Variants in CDKAL1 observed in about 807,000 individuals in gnomAD.
CDKAL1 encodes the protein threonylcarbamoyladenosine tRNA methylthiotransferase.
Under a neutral mutation model 68.2 loss-of-function variants are expected in CDKAL1, and 32 were observed. The ratio of observed to expected loss-of-function variants is 0.47; its 90% CI spans 0.35 to 0.63. CDKAL1 has a LOEUF of 0.63. Ranked by LOEUF, CDKAL1 falls within the 30% of genes least tolerant of loss-of-function variation. The pLI is 0.00. For missense variants in CDKAL1, 606 were observed against 696.7 expected, an observed-to-expected ratio of 0.87 and a Z score of 1.47; for synonymous variants, 234 against 244.3, an observed-to-expected ratio of 0.96 and a Z score of 0.39.
intron 13 of CDKAL1, among the ~76,000 whole-genome samples, chr6:21,145,843 C>G (rs553361784): frequency 6.6e-6 from 1 of 152,234 alleles, no homozygotes; most frequent in East Asian, 1.9e-4. Flanking sequence ...AAGGCTGCAG[C>G]AAACTATGAT....
At chr6:20,993,001 T>A (rs1255848760) in intron 10 of CDKAL1, among the ~76,000 whole-genome samples, 1 of 152,008 alleles carries the variant, frequency 6.6e-6, no homozygotes, top group Non-Finnish European at 1.5e-5. Context: ...AAGTCACATA[T>A]TATATGAGTC....
At chr6:20,846,452 G>A (rs2150495175) in intron 9 of CDKAL1, among the ~76,000 whole-genome samples, 1 of 152,230 alleles carries the variant, frequency 6.6e-6, no homozygotes, top group South Asian at 2.1e-4. Context: ...CCATGGAAAA[G>A]ACAAAATTAA....
intron 12 of CDKAL1, among the ~76,000 whole-genome samples, chr6:21,103,569 A>C (rs963323966): frequency 6.6e-6 from 1 of 152,202 alleles, no homozygotes; most frequent in Non-Finnish European, 1.5e-5. Flanking sequence ...CCAAACATGC[A>C]TACTGCCTCA....
chr6:20,573,450 C>T (rs916584606), intron 4 of CDKAL1, among the ~76,000 whole-genome samples: 1 of 151,946 alleles, frequency 6.6e-6, no homozygotes, highest in African/African-American at 2.4e-5. Flanking sequence ...GGAAATGAAC[C>T]TAATATGTGT....
intron 11 of CDKAL1, among the ~76,000 whole-genome samples, chr6:21,018,832 T>A (rs1313772342): frequency 6.6e-6 from 1 of 152,222 alleles, no homozygotes; most frequent in East Asian, 1.9e-4. Flanking sequence ...CACAGGCTAT[T>A]TAAATGAAGT....
chr6:20,880,063 T>C (rs1017498889), intron 9 of CDKAL1, among the ~76,000 whole-genome samples: 2 of 152,162 alleles, frequency 1.3e-5, no homozygotes, highest in Admixed American at 1.3e-4. Context: ...AAATTCTGTG[T>C]CTTCCATATC....
At chr6:20,694,370 A>G (rs1771021600) in intron 5 of CDKAL1, among the ~76,000 whole-genome samples, 1 of 152,042 alleles carries the variant, frequency 6.6e-6, no homozygotes, top group African/African-American at 2.4e-5. Flanking sequence ...TTAAAGTCAC[A>G]GTGTTCTACT....
chr6:20,709,651 A>C (rs962456642), intron 5 of CDKAL1, among the ~76,000 whole-genome samples: 1 of 152,156 alleles, frequency 6.6e-6, no homozygotes, highest in Admixed American at 6.5e-5. Context: ...ATTATGTTGC[A>C]CAACAGGAAG....
rs1771157052 is a variant in CDKAL1 at position 21,061,865 on chromosome 6, T to C, written c.1056-3183T>C. On this transcript the variant is annotated intron_variant, in intron 11 of 15. Transcript: ENST00000274695. The stretch of plus-strand genomic sequence containing the variant: ...TATAAGCAATCAGTTTGTATTCTTA[T>C]ATACTTTGAAACCATTCAACTGCTT... 2.6e-5 allele frequency among the ~76,000 whole-genome samples: 4 copies of C among 152,216 alleles called. No homozygotes were observed. The South Asian group carries it at 6.2e-4, about 24-fold the overall frequency.
chr6:21,199,327 C>T (rs1006586569), intron 14 of CDKAL1, among the ~76,000 whole-genome samples: 17 of 152,294 alleles, frequency 1.1e-4, no homozygotes, highest in South Asian at 4.2e-4. Flanking sequence ...CCAGACTAAA[C>T]GTGCTCTGTT....
intron 13 of CDKAL1, among the ~76,000 whole-genome samples, chr6:21,175,871 T>C: frequency 6.6e-6 from 1 of 152,266 alleles, no homozygotes; most frequent in East Asian, 1.9e-4. Flanking sequence ...TAATTAAGCA[T>C]TTGTAACATT....
chr6:20,879,863 C>G (rs1055437557), intron 9 of CDKAL1, among the ~76,000 whole-genome samples: 1 of 152,130 alleles, frequency 6.6e-6, no homozygotes, highest in Non-Finnish European at 1.5e-5. Context: ...GAAAGCAGAG[C>G]CTTTTCTTGC....
chr6:21,004,007 C>T (rs1767593058), intron 11 of CDKAL1, among the ~76,000 whole-genome samples: 1 of 152,168 alleles, frequency 6.6e-6, no homozygotes, highest in Admixed American at 6.6e-5. Context: ...AAATAAGTCT[C>T]TCTTTTTTCT....
At chr6:20,982,611 AG>A (rs1405293480) in intron 10 of CDKAL1, among the ~76,000 whole-genome samples, 3 of 152,008 alleles carry the variant, frequency 2.0e-5, no homozygotes, top group Non-Finnish European at 4.4e-5. Flanking sequence ...ATCCAAAAAA[AG>A]AAAAAAAAAA....
intron 4 of CDKAL1, among the ~76,000 whole-genome samples, chr6:20,551,249 C>A (rs1028432562): frequency 6.6e-6 from 1 of 152,170 alleles, no homozygotes; most frequent in Non-Finnish European, 1.5e-5. Flanking sequence ...TTGTTCTGTA[C>A]CTCATGGCTG....
intron 9 of CDKAL1, among the ~76,000 whole-genome samples, chr6:20,899,234 T>C (rs142056218): frequency 0.013 from 2,028 of 151,922 alleles, 19 homozygotes; most frequent in Non-Finnish European, 0.021. Context: ...CTGGATAATT[T>C]TTGTATTTTT....
intron 11 of CDKAL1, among the ~76,000 whole-genome samples, chr6:21,047,853 G>A (rs1033036486): frequency 6.6e-6 from 1 of 152,198 alleles, no homozygotes; most frequent in African/African-American, 2.4e-5. Context: ...ATAGGGGATT[G>A]TACAGTAGGA....
At chr6:20,856,196 A>T (rs1419805748) in intron 9 of CDKAL1, among the ~76,000 whole-genome samples, 1 of 152,160 alleles carries the variant, frequency 6.6e-6, no homozygotes, top group Non-Finnish European at 1.5e-5. Flanking sequence ...GTATTTTAGG[A>T]CATGGGAAGA....
At chr6:21,174,641 A>G (rs1030198527) in intron 13 of CDKAL1, among the ~76,000 whole-genome samples, 1 of 152,182 alleles carries the variant, frequency 6.6e-6, no homozygotes, top group Non-Finnish European at 1.5e-5. Flanking sequence ...GAAAACCCTC[A>G]TAAACTATGT....
Sources: gnomAD v4.1 joint callset for allele counts (sites outside exome capture counted in the v4.1 genomes callset) on GRCh38, gnomAD v4.1.1 for gene constraint, MANE v1.5 for transcripts, NCBI Gene and HGNC (gene_info 2026-07-23, HGNC 2026-07-21) for gene names.